The following SGK3 variants were observed in gnomAD, a reference collection of about 807,000 sequenced individuals.
The protein encoded by SGK3 is serum/glucocorticoid regulated kinase family member 3.
Under a neutral mutation model 68.5 loss-of-function variants are expected in SGK3, and 47 were observed. That is an observed-to-expected ratio of 0.69 (90% confidence interval 0.54 to 0.87). The LOEUF (loss-of-function observed/expected upper bound fraction) is 0.87, where lower values mean the gene tolerates loss of function less well. Ranked by LOEUF, SGK3 falls within the 40% of genes least tolerant of loss-of-function variation. SGK3 has a pLI of 0.00. For missense variants in SGK3, 479 were observed against 575.5 expected, an observed-to-expected ratio of 0.83 and a Z score of 1.72; for synonymous variants, 181 against 189.1, an observed-to-expected ratio of 0.96 and a Z score of 0.35.
At position 66,749,058 on chromosome 8, in the gene SGK3, G is replaced by A. The variant is rs79232140; in HGVS notation, c.-122+36225G>A. 8.9e-3 allele frequency among the ~76,000 whole-genome samples: 1,357 copies of A among 152,060 alleles called. 13 individuals are homozygous for A. The highest frequency in any genetic ancestry group is 0.027 in the African/African-American group (1,100 of 41,476). Reference sequence around the variant, plus strand: ...ACTACAGGCGTGCATCACCACGCCCGGCTAAATCTCTAGATATTCTAAATG... The same window carrying A: ...ACTACAGGCGTGCATCACCACGCCCAGCTAAATCTCTAGATATTCTAAATG... On this transcript the variant is annotated intron_variant, in intron 1 of 16. Coordinates refer to ENST00000521198, the MANE Select transcript of SGK3 (RefSeq NM_001033578.3).
At chr8:66,815,717 A>G (rs1294487306) in intron 5 of SGK3, among the ~76,000 whole-genome samples, 3 of 152,184 alleles carry the variant, frequency 2.0e-5, no homozygotes, top group Non-Finnish European at 4.4e-5. Context: ...TTCTCCTAGT[A>G]TTTTAAGTTA....
rs71249408 is a variant in SGK3, at chr8:66,796,321, A to ATTTTTTTTTTTTTTTTTTTTTT, written c.97-2211_97-2190dup. ...CCAGCTAATTTTTTGTATTTTTTGT[A>ATTTTTTTTTTTTTTTTTTTTTT]TTTTTTTTTTTTTTTTTTTTTTTTT... On this transcript the variant is annotated intron_variant, in intron 2 of 16. Transcript: ENST00000521198. Among the ~76,000 whole-genome samples, 52 of 41,360 alleles carry ATTTTTTTTTTTTTTTTTTTTTT rather than the reference A, an allele frequency of 1.3e-3. 9 individuals carry two copies. Among genetic ancestry groups the ATTTTTTTTTTTTTTTTTTTTTT allele is most frequent in the Non-Finnish European group, 2.0e-3 (45 of 22,676 alleles). The allele number at this position is 41,360 out of a possible 152,430, so 27.1% of individuals were successfully genotyped here.
At chr8:66,826,291 A>G (rs777301050) in intron 6 of SGK3, among the ~76,000 whole-genome samples, 1 of 152,286 alleles carries the variant, frequency 6.6e-6, no homozygotes, top group Middle Eastern at 3.4e-3. Context: ...TTTATAAGAA[A>G]AATTTATTGA....
chr8:66,754,876 A>G (rs1195393634), intron 1 of SGK3, among the ~76,000 whole-genome samples: 1 of 152,244 alleles, frequency 6.6e-6, no homozygotes, highest in Non-Finnish European at 1.5e-5. Flanking sequence ...TACCAATATG[A>G]CACACCATTA....
intron 6 of SGK3, among the ~76,000 whole-genome samples, chr8:66,823,558 C>T (rs373656821): frequency 7.2e-5 from 11 of 151,948 alleles, no homozygotes; most frequent in East Asian, 5.8e-4. Context: ...CCACCACGCC[C>T]GGCTAATTTT....
At chr8:66,751,693 A>C (rs1805821967) in intron 1 of SGK3, among the ~76,000 whole-genome samples, 1 of 152,092 alleles carries the variant, frequency 6.6e-6, no homozygotes, top group Non-Finnish European at 1.5e-5. Flanking sequence ...CACTATAAGA[A>C]AGAATAGGTA....
chr8:66,813,947 G>A lies in SGK3; in HGVS notation c.329+19G>A, dbSNP rs200252508. 6.8e-5 allele frequency: 105 copies of A among 1,553,752 alleles called. No homozygotes were observed. The highest frequency in any genetic ancestry group is 3.9e-4 in the South Asian group (31 of 79,444). On this transcript the variant is annotated intron_variant, in intron 5 of 16. Transcript: ENST00000521198. ...ATAACCAGTAAGTAATTTTTGTTGC[G>A]TTCTAAAGGGACATTAAAACTAAAC...
In SGK3 at chr8:66,851,074, A is replaced by G. The variant is rs147285198; in HGVS notation, c.1320+154A>G. On this transcript the variant is annotated intron_variant, in intron 16 of 16. Coordinates refer to ENST00000521198, the MANE Select transcript of SGK3 (RefSeq NM_001033578.3). Reference sequence around the variant, plus strand: ...TCACTCAGGGTTGTCTAGTATAACTAATAACTTCAGGGAGACCAGTAAGAT... The same window carrying G: ...TCACTCAGGGTTGTCTAGTATAACTGATAACTTCAGGGAGACCAGTAAGAT... 3.9e-5 allele frequency among the ~76,000 whole-genome samples: 6 copies of G among 152,342 alleles called. No individual in the cohort carries two copies. In the East Asian group the frequency reaches 7.7e-4, roughly 20 times the overall value.
intron 1 of SGK3, among the ~76,000 whole-genome samples, chr8:66,766,826 G>A (rs1342499588): frequency 1.3e-5 from 2 of 152,018 alleles, no homozygotes; most frequent in African/African-American, 2.4e-5. Context: ...GCTTTGAAAC[G>A]TTCTTGATAT....
intron 1 of SGK3, among the ~76,000 whole-genome samples, chr8:66,771,605 T>G (rs759407902): frequency 2.0e-5 from 3 of 152,208 alleles, no homozygotes; most frequent in African/African-American, 7.2e-5. Flanking sequence ...CTCCAAGAAA[T>G]GCTGTGTGAT....
intron 5 of SGK3, among the ~76,000 whole-genome samples, chr8:66,814,888 A>G (rs1585756865): frequency 1.3e-5 from 2 of 152,314 alleles, no homozygotes; most frequent in East Asian, 1.9e-4. Flanking sequence ...TATTCATTAC[A>G]TTTATTGTGG....
At chr8:66,749,724 T>A (rs1308910660) in intron 1 of SGK3, among the ~76,000 whole-genome samples, 2 of 152,124 alleles carry the variant, frequency 1.3e-5, no homozygotes. Flanking sequence ...GACGATTGAT[T>A]TATTCAGAAA....
chr8:66,796,321 A>ATTTT (rs71249408), intron 2 of SGK3, among the ~76,000 whole-genome samples: 808 of 41,362 alleles, frequency 0.02, 168 homozygotes, highest in Non-Finnish European at 0.029. Flanking sequence ...TATTTTTTGT[A>ATTTT]TTTTTTTTTT....
intron 5 of SGK3, among the ~76,000 whole-genome samples, chr8:66,816,218 G>A (rs1224253106): frequency 6.6e-6 from 1 of 151,782 alleles, no homozygotes; most frequent in East Asian, 1.9e-4. Flanking sequence ...TAGCCAGGAT[G>A]GTCTTCATCT....
intron 1 of SGK3, among the ~76,000 whole-genome samples, chr8:66,765,756 G>A (rs1008607255): frequency 6.6e-6 from 1 of 152,068 alleles, no homozygotes; most frequent in Non-Finnish European, 1.5e-5. Context: ...AGGCATGGTG[G>A]CTCACGCCTG....
intron 4 of SGK3, among the ~76,000 whole-genome samples, chr8:66,813,342 T>TC (rs1808455629): frequency 6.6e-6 from 1 of 152,186 alleles, no homozygotes; most frequent in Admixed American, 6.5e-5. Flanking sequence ...AGGTTTTTTG[T>TC]TTGTTTGTTT....
intron 1 of SGK3, among the ~76,000 whole-genome samples, chr8:66,761,927 C>T (rs1156625881): frequency 6.6e-6 from 1 of 152,174 alleles, no homozygotes; most frequent in Non-Finnish European, 1.5e-5. Context: ...TCTTATTGCA[C>T]TCCCCTGCCC....
chr8:66,843,352 A>G (rs1450957412), intron 13 of SGK3, 100 bp from the exon 14 acceptor site: 2 of 1,186,410 alleles, frequency 1.7e-6, no homozygotes, highest in Non-Finnish European at 2.4e-6. Context: ...TGGTTTCAGT[A>G]TGATAGCAAC....
intron 4 of SGK3, among the ~76,000 whole-genome samples, chr8:66,810,656 A>G (rs113376779): frequency 0.13 from 19,453 of 152,188 alleles, 2,346 homozygotes; most frequent in African/African-American, 0.31. Flanking sequence ...AGCTGGAATC[A>G]TGCCATTGCA....
Sources: allele counts gnomAD v4.1 joint callset (sites outside exome capture counted in the v4.1 genomes callset), GRCh38; gene constraint gnomAD v4.1.1; transcripts MANE v1.5; gene names NCBI Gene and HGNC (gene_info 2026-07-23, HGNC 2026-07-21).